The following SERPINB13 variants were observed in gnomAD, a reference collection of about 807,000 sequenced individuals.
SERPINB13 encodes the protein serpin family B member 13.
A neutral mutation model predicts 31.2 loss-of-function variants in SERPINB13; 26 were observed. The ratio of observed to expected loss-of-function variants is 0.83; its 90% CI spans 0.61 to 1.15. The LOEUF (loss-of-function observed/expected upper bound fraction) is 1.15, where lower values mean the gene tolerates loss of function less well. Among genes scored for constraint, SERPINB13 ranks in the 50% most tolerant of loss-of-function variants. The pLI, the probability that SERPINB13 is intolerant of heterozygous loss-of-function variation, is 0.00. For synonymous variants in SERPINB13, 191 were observed against 172.4 expected (o/e 1.11, Z -0.85); for missense variants, 510 against 469.4 (o/e 1.09, Z -0.80).
chr18:63,589,590 C>G (rs935159808), intron 2 of SERPINB13, 66 bp from the exon 3 acceptor site: 7 of 1,578,246 alleles, frequency 4.4e-6, no homozygotes, highest in Non-Finnish European at 4.3e-6. Flanking sequence ...CCACTCTCCC[C>G]TGACTGATTC....
chr18:63,591,943 A>C (rs1911878697), intron 3 of SERPINB13, among the ~76,000 whole-genome samples: 2 of 152,164 alleles, frequency 1.3e-5, no homozygotes, highest in African/African-American at 4.8e-5. Flanking sequence ...CTTATTCACT[A>C]TCTGGAAAAA....
At chr18:63,589,977 T>C (rs1291160269) in intron 3 of SERPINB13, 1 of 577,328 alleles carries the variant, frequency 1.7e-6, no homozygotes, top group Non-Finnish European at 2.6e-6. Flanking sequence ...TAAAGGCTAA[T>C]AGACAGAAAA....
Position 63,598,764 on chromosome 18 carries a change from G to A in SERPINB13, c.*1401G>A, listed in dbSNP as rs1003189473. 7.9e-5 allele frequency: 12 copies of A among 152,102 alleles called. No individual in the cohort carries two copies. Among genetic ancestry groups the A allele is most frequent in the African/African-American group, 2.7e-4 (11 of 41,432 alleles). 9.4% of individuals were successfully genotyped at this position (152,102 alleles called of 1,614,324 possible). A position where few individuals can be genotyped will look rare whatever the true frequency, so the allele number is the denominator to read the frequency against. The stretch of plus-strand genomic sequence containing the variant: ...GTTCACATATGTTTTCATTTCTGTT[G>A]GGGAGATTCCTAGGCTAGAAATTGC... On this transcript the variant is annotated 3_prime_UTR_variant, in exon 8 of 8. Coordinates refer to ENST00000344731, the MANE Select transcript of SERPINB13 (RefSeq NM_012397.4).
chr18:63,594,474 G>C lies in SERPINB13; in HGVS notation c.592G>C (p.Glu198Gln). 1.2e-6 allele frequency: 2 copies of C among 1,614,002 alleles called. No homozygotes were observed. The highest frequency in any genetic ancestry group is 3.3e-5 in the Admixed American group (2 of 59,996). ...DREFKKENTKEEKFWMNKSTS... is the reference protein window; with the variant it reads ...DREFKKENTKQEKFWMNKSTS... ...GGAGTTTAAGAAAGAAAATACTAAG[G>C]AAGAGAAATTTTGGATGAATAAGGT... The change falls in exon 6 of 8, where the codon GAA (glutamate) becomes CAA (glutamine). Residue 198 changes from glutamate (E) to glutamine (Q), a missense_variant. Glu to Gln is a conservative substitution (Grantham distance 29). Transcript: ENST00000344731.
chr18:63,588,246 C>T (rs1427693771), intron 1 of SERPINB13, among the ~76,000 whole-genome samples: 2 of 152,184 alleles, frequency 1.3e-5, no homozygotes, highest in South Asian at 2.1e-4. Context: ...TGCCTACCCC[C>T]CTGCCTTATC....
rs556052857 is a variant in SERPINB13, at chr18:63,597,307, A to T, written c.1120A>T (p.Ile374Phe). The change falls in exon 8 of 8, where the codon ATC becomes TTC. Residue 374 changes from isoleucine (I) to phenylalanine (F), a missense_variant. Ile to Phe is a conservative substitution (Grantham distance 21). Coordinates refer to ENST00000344731, the MANE Select transcript of SERPINB13 (RefSeq NM_012397.4). ...CTGCAATCATCCCTTCCTGTTCTTC[A>T]TCAGGCACAATGAATCCAACAGCAT... Reference protein sequence around the residue: ...VHCNHPFLFFIRHNESNSILF... With the variant: ...VHCNHPFLFFFRHNESNSILF... 3.1e-6 allele frequency: 5 copies of T among 1,614,134 alleles called. No individual in the cohort carries two copies. In the East Asian group the frequency reaches 1.1e-4, roughly 36 times the overall value.
At chr18:63,591,153 G>A (rs1169162105) in intron 3 of SERPINB13, among the ~76,000 whole-genome samples, 1 of 152,112 alleles carries the variant, frequency 6.6e-6, no homozygotes, top group African/African-American at 2.4e-5. Context: ...TCTCCTCAGA[G>A]AGGAAGTCCC....
Position 63,598,137 on chromosome 18 carries a change from G to A in SERPINB13, c.*774G>A, listed in dbSNP as rs915303478. ...TGGTTTTTTTTTTTTTTTGAGTGAG[G>A]TACGAGTATTACCAAATGATATTTT... On this transcript the variant is annotated 3_prime_UTR_variant, in exon 8 of 8. Coordinates refer to ENST00000344731, the MANE Select transcript of SERPINB13 (RefSeq NM_012397.4). 1.3e-5 allele frequency: 2 copies of A among 148,912 alleles called. No homozygotes were observed. The highest frequency in any genetic ancestry group is 3.0e-5 in the Non-Finnish European group (2 of 67,526). The allele number at this position is 148,912 out of a possible 1,614,324, so 9.2% of individuals were successfully genotyped here. A position where few individuals can be genotyped will look rare whatever the true frequency, so the allele number is the denominator to read the frequency against.
chr18:63,598,902 C>T lies in SERPINB13; in HGVS notation c.*1539C>T, dbSNP rs1459269106. The stretch of plus-strand genomic sequence containing the variant: ...TTTAAAACTAGTGTCTTCAAATCCT[C>T]ACCAACATCCAGGATTGTGTCTTTA... On this transcript the variant is annotated 3_prime_UTR_variant, in exon 8 of 8. Coordinates refer to ENST00000344731, the MANE Select transcript of SERPINB13 (RefSeq NM_012397.4). 2 of 152,172 alleles carry T rather than the reference C, an allele frequency of 1.3e-5. No individual in the cohort carries two copies. The allele number at this position is 152,172 out of a possible 1,614,324, so 9.4% of individuals were successfully genotyped here. A position where few individuals can be genotyped will look rare whatever the true frequency, so the allele number is the denominator to read the frequency against.
rs756198952 is a variant in SERPINB13, at chr18:63,598,535, G to A, written c.*1172G>A. The A allele has an allele frequency of 3.3e-5, 5 of 152,018 alleles. No individual in the cohort carries two copies. Among genetic ancestry groups the A allele is most frequent in the Non-Finnish European group, 5.9e-5 (4 of 67,978 alleles). 9.4% of individuals were successfully genotyped at this position (152,018 alleles called of 1,614,324 possible). A position where few individuals can be genotyped will look rare whatever the true frequency, so the allele number is the denominator to read the frequency against. On this transcript the variant is annotated 3_prime_UTR_variant, in exon 8 of 8. Coordinates refer to ENST00000344731, the MANE Select transcript of SERPINB13 (RefSeq NM_012397.4). ...ATACATGTAGTATTTTGTGTCTGGC[G>A]TCTTGCACTTAGCATGGTGTTCTTG...
rs1187840024 is a variant in SERPINB13 at position 63,597,026 on chromosome 18, A to G, written c.839A>G (p.Lys280Arg). 6 of 1,614,088 alleles carry G rather than the reference A, an allele frequency of 3.7e-6. No homozygotes were observed. The African/African-American group carries it at 8.0e-5, about 22-fold the overall frequency. ...AGTCCAGGGCATATGGAAGAAAGAAAGGTGAATCTGCACTTGCCCCGGTTT... is the reference window on the plus strand; with the variant it reads ...AGTCCAGGGCATATGGAAGAAAGAAGGGTGAATCTGCACTTGCCCCGGTTT... ...WTSPGHMEER[K>R]VNLHLPRFEV... The change falls in exon 8 of 8, where the codon AAG becomes AGG. Residue 280 changes from lysine (K) to arginine (R), a missense_variant. By Grantham distance (26) the Lys-to-Arg change is conservative. Coordinates refer to ENST00000344731, the MANE Select transcript of SERPINB13 (RefSeq NM_012397.4).
rs1402652596 is a variant in SERPINB13, at chr18:63,591,432, C to T, written c.226-916C>T. ...CTTTCCTTCCTTCCTTCCTTCCTTCCCTCCTTCCTTCCTTTTTTCTTTCCT... is the reference window on the plus strand; with the variant it reads ...CTTTCCTTCCTTCCTTCCTTCCTTCTCTCCTTCCTTCCTTTTTTCTTTCCT... On this transcript the variant is annotated intron_variant, in intron 3 of 7. Coordinates refer to ENST00000344731, the MANE Select transcript of SERPINB13 (RefSeq NM_012397.4). Among the ~76,000 whole-genome samples the T allele has an allele frequency of 7.6e-5, 9 of 118,134 alleles. No individual in the cohort carries two copies. In the East Asian group the frequency reaches 2.2e-3, roughly 28 times the overall value. 77.5% of individuals were successfully genotyped at this position (118,134 alleles called of 152,430 possible).
In SERPINB13 at chr18:63,588,779, A is replaced by T; in HGVS notation, c.112A>T (p.Ile38Phe). 6.2e-7 allele frequency: 1 copy of T among 1,614,160 alleles called. No homozygotes were observed. Among genetic ancestry groups the T allele is most frequent in the Non-Finnish European group, 8.5e-7 (1 of 1,180,030 alleles). Residue 38 changes from isoleucine to phenylalanine, a missense_variant, in exon 2 of 8, where the codon ATT (isoleucine) becomes TTT (phenylalanine). Ile to Phe is a conservative substitution (Grantham distance 21). Coordinates refer to ENST00000344731, the MANE Select transcript of SERPINB13 (RefSeq NM_012397.4). ...TTCCCCTGTGGGCATCTTGACTGCA[A>T]TTGGCATGGTCCTCCTGGGGACCCG... ...FFSPVGILTAIGMVLLGTRGA... is the reference protein window; with the variant it reads ...FFSPVGILTAFGMVLLGTRGA...
chr18:63,588,293 A>G (rs1362263160), intron 1 of SERPINB13, among the ~76,000 whole-genome samples: 6 of 152,200 alleles, frequency 3.9e-5, no homozygotes, highest in African/African-American at 1.4e-4. Flanking sequence ...TGTCGCCTGG[A>G]CAAGGGCTGG....
intron 3 of SERPINB13, 151 bp from the exon 4 acceptor site, chr18:63,592,197 C>T: frequency 2.8e-6 from 2 of 724,838 alleles, no homozygotes; most frequent in Middle Eastern, 3.0e-4. Context: ...TGGGTAAAGG[C>T]TACCTGATAT....
chr18:63,594,942 C>G (rs1912074794), intron 6 of SERPINB13, 87 bp from the exon 7 acceptor site: 2 of 1,224,498 alleles, frequency 1.6e-6, no homozygotes, highest in Non-Finnish European at 2.3e-6. Context: ...TTAGATTGAG[C>G]TAATTATTTT....
intron 5 of SERPINB13, chr18:63,594,003 C>G (rs1308064637): frequency 2.0e-6 from 1 of 508,898 alleles, no homozygotes; most frequent in Non-Finnish European, 3.9e-6. Context: ...CCCTATGAGG[C>G]AGATTTTATT....
intron 3 of SERPINB13, among the ~76,000 whole-genome samples, chr18:63,590,489 G>GGGTGGCTC (rs1178518603): frequency 6.6e-6 from 1 of 152,186 alleles, no homozygotes; most frequent in Non-Finnish European, 1.5e-5. Flanking sequence ...TAGGTCGTGT[G>GGGTGGCTC]GGTGGCTCAG....
intron 4 of SERPINB13, 48 bp from the exon 5 acceptor site, chr18:63,592,806 A>G: frequency 8.4e-7 from 1 of 1,197,566 alleles, no homozygotes; most frequent in Non-Finnish European, 1.2e-6. Context: ...GGCAATTGAT[A>G]AATTGAGTTT....
Sources: allele counts gnomAD v4.1 joint callset (sites outside exome capture counted in the v4.1 genomes callset), GRCh38; gene constraint gnomAD v4.1.1; transcripts MANE v1.5; gene names NCBI Gene and HGNC (gene_info 2026-07-23, HGNC 2026-07-21).